Variants in GPM6B observed in about 807,000 individuals in gnomAD.
The protein encoded by GPM6B is glycoprotein M6B, also known as neuronal membrane glycoprotein M6-b.
GPM6B carries 4 observed loss-of-function variants against 27.2 expected under a neutral mutation model. That is an observed-to-expected ratio of 0.15 (90% confidence interval 0.07 to 0.34). The LOEUF (loss-of-function observed/expected upper bound fraction) is 0.34, where lower values mean the gene tolerates loss of function less well. Among genes scored for constraint, GPM6B ranks in the 10% least tolerant of loss-of-function variants. GPM6B has a pLI of 1.00. For synonymous variants in GPM6B, 124 were observed against 103.1 expected (o/e 1.20, Z -1.23); for missense variants, 183 against 261.9 (o/e 0.70, Z 2.08).
At chrX:13,871,104 CA>C in intron 1 of GPM6B, among the ~76,000 whole-genome samples, 1 of 41,345 alleles carries the variant, frequency 2.4e-5, no homozygotes, top group East Asian at 8.0e-4. Context: ...CAAAACAAAA[CA>C]AAACAAAACA....
At chrX:13,789,575 A>C (rs1315999327) in intron 2 of GPM6B, among the ~76,000 whole-genome samples, 1 of 111,031 alleles carries the variant, frequency 9.0e-6, no homozygotes, top group African/African-American at 3.3e-5. Context: ...GGAGATCGAG[A>C]CCATCCTGGC....
chrX:13,781,327 A>C (rs765820312), intron 4 of GPM6B, among the ~76,000 whole-genome samples: 1 of 111,986 alleles, frequency 8.9e-6, no homozygotes, highest in East Asian at 2.8e-4. Context: ...CCAGACCCCC[A>C]AATCACTAAG....
intron 1 of GPM6B, among the ~76,000 whole-genome samples, chrX:13,886,364 A>AT (rs996604764): frequency 3.6e-5 from 4 of 110,859 alleles, no homozygotes; most frequent in African/African-American, 9.9e-5. Flanking sequence ...TAAATCCTGC[A>AT]TTTTTTCATC....
In GPM6B at chrX:13,816,929, C is replaced by T. The variant is rs751031660; in HGVS notation, c.-25G>A. 2 of 1,182,825 alleles carry T rather than the reference C, an allele frequency of 1.7e-6. No homozygotes were observed. Among genetic ancestry groups the T allele is most frequent in the Non-Finnish European group, 1.1e-6 (1 of 883,738 alleles). On this transcript the variant is annotated 5_prime_UTR_variant, in exon 1 of 8. Transcript: ENST00000316715. ...TACCATCCACCAAAAATGCTTTTCC[C>T]CCTGTTCCCCCCAACACACACTTGT...
At chrX:13,831,742 G>C (rs1293295024) in intron 1 of GPM6B, among the ~76,000 whole-genome samples, 2 of 111,725 alleles carry the variant, frequency 1.8e-5, no homozygotes, top group Non-Finnish European at 3.8e-5. Flanking sequence ...TTACTAACCT[G>C]TGCCCTTCAA....
intron 1 of GPM6B, among the ~76,000 whole-genome samples, chrX:13,910,345 C>A (rs748271916): frequency 2.7e-5 from 3 of 112,439 alleles, no homozygotes; most frequent in African/African-American, 9.7e-5. Flanking sequence ...ATTTTTAAAG[C>A]TCTCTAGGTG....
chrX:13,793,646 T>C (rs1040470498), intron 2 of GPM6B, among the ~76,000 whole-genome samples: 1 of 112,150 alleles, frequency 8.9e-6, no homozygotes, highest in African/African-American at 3.2e-5. Context: ...TGGAAAACAT[T>C]ATAGAGCAGA....
At chrX:13,866,839 T>C (rs2049925567) in intron 1 of GPM6B, among the ~76,000 whole-genome samples, 1 of 111,359 alleles carries the variant, frequency 9.0e-6, no homozygotes, top group Non-Finnish European at 1.9e-5. Context: ...AATAACTAAA[T>C]CTTCCCCTGT....
intron 1 of GPM6B, among the ~76,000 whole-genome samples, chrX:13,822,966 ATC>A (rs1489980167): frequency 3.6e-5 from 4 of 112,058 alleles, no homozygotes; most frequent in Non-Finnish European, 7.5e-5. Context: ...CCTTTCCATA[ATC>A]AGAATTTCCC....
chrX:13,860,434 T>TG (rs1309941735), intron 1 of GPM6B, among the ~76,000 whole-genome samples: 1 of 88,194 alleles, frequency 1.1e-5, no homozygotes, highest in African/African-American at 4.9e-5. Flanking sequence ...TCCCAAAACG[T>TG]GGGGTTTTTT....
At chrX:13,931,528 AAAATT>A (rs869192884) in intron 1 of GPM6B, among the ~76,000 whole-genome samples, 44 of 111,154 alleles carry the variant, frequency 4.0e-4, no homozygotes, top group African/African-American at 1.4e-3. Flanking sequence ...ATAAATAAAT[AAAATT>A]AATAATCGAG....
intron 1 of GPM6B, among the ~76,000 whole-genome samples, chrX:13,815,957 A>G (rs1169120956): frequency 8.9e-6 from 1 of 111,858 alleles, no homozygotes; most frequent in East Asian, 2.8e-4. Flanking sequence ...GTTACAGAAT[A>G]TGTTTTTGGG....
intron 1 of GPM6B, among the ~76,000 whole-genome samples, chrX:13,863,969 A>G (rs745901194): frequency 4.6e-4 from 51 of 111,200 alleles, no homozygotes; most frequent in African/African-American, 1.5e-3. Flanking sequence ...GCAATTTATG[A>G]TATCTTATTA....
At chrX:13,827,271 CTTTTTT>C (rs1173680918) in intron 1 of GPM6B, among the ~76,000 whole-genome samples, 1 of 73,645 alleles carries the variant, frequency 1.4e-5, no homozygotes, top group Non-Finnish European at 2.5e-5. Flanking sequence ...TACCGACTTC[CTTTTTT>C]TTTTTTTTTT....
At chrX:13,791,992 C>T (rs1603000453) in intron 2 of GPM6B, among the ~76,000 whole-genome samples, 1 of 111,365 alleles carries the variant, frequency 9.0e-6, no homozygotes, top group South Asian at 3.8e-4. Flanking sequence ...TTACTGATTC[C>T]TAATGAGCCA....
At chrX:13,813,729 T>C (rs1179461071) in intron 1 of GPM6B, among the ~76,000 whole-genome samples, 1 of 112,220 alleles carries the variant, frequency 8.9e-6, no homozygotes, top group East Asian at 2.8e-4. Context: ...CGACTCTCCA[T>C]CTTTTTATTA....
intron 1 of GPM6B, among the ~76,000 whole-genome samples, chrX:13,808,833 T>A (rs1057224260): frequency 9.0e-6 from 1 of 111,342 alleles, no homozygotes; most frequent in African/African-American, 3.3e-5. Context: ...CCAACTCCAC[T>A]CTCCACAATC....
intron 2 of GPM6B, among the ~76,000 whole-genome samples, chrX:13,790,004 C>T (rs1040387493): frequency 1.8e-5 from 2 of 111,746 alleles, no homozygotes; most frequent in Admixed American, 1.9e-4. Flanking sequence ...TGCCACTGCA[C>T]CCAGCTCATT....
intron 1 of GPM6B, among the ~76,000 whole-genome samples, chrX:13,827,271 C>CTTTT (rs1173680918): frequency 1.4e-4 from 10 of 73,638 alleles, no homozygotes; most frequent in Admixed American, 1.5e-4. Flanking sequence ...TACCGACTTC[C>CTTTT]TTTTTTTTTT....
Sources: gnomAD v4.1 joint callset for allele counts (sites outside exome capture counted in the v4.1 genomes callset) on GRCh38, gnomAD v4.1.1 for gene constraint, MANE v1.5 for transcripts, NCBI Gene and HGNC (gene_info 2026-07-23, HGNC 2026-07-21) for gene names.